PPP3R1: variants seen among roughly 807,000 people sequenced by gnomAD.
The protein encoded by PPP3R1 is calcineurin subunit B type 1.
PPP3R1 carries 5 observed loss-of-function variants against 22.6 expected under a neutral mutation model. The ratio of observed to expected loss-of-function variants is 0.22; its 90% CI spans 0.12 to 0.46. The LOEUF is 0.46. Among genes scored for constraint, PPP3R1 ranks in the 20% least tolerant of loss-of-function variants. The pLI is 0.99. For synonymous variants in PPP3R1, 56 were observed against 65.2 expected (o/e 0.86, Z 0.68); for missense variants, 61 against 203.2 (o/e 0.30, Z 4.25).
At chr2:68,236,838 G>A (rs922124802) in intron 1 of PPP3R1, among the ~76,000 whole-genome samples, 4 of 152,074 alleles carry the variant, frequency 2.6e-5, no homozygotes, top group Non-Finnish European at 4.4e-5. Context: ...GAGATACAAT[G>A]AGACCTAAGG....
At chr2:68,241,562 A>C (rs1012551003) in intron 1 of PPP3R1, among the ~76,000 whole-genome samples, 2 of 152,188 alleles carry the variant, frequency 1.3e-5, no homozygotes, top group Non-Finnish European at 2.9e-5. Flanking sequence ...GATTACTGAC[A>C]ATGTGGCCGG....
At chr2:68,189,197 T>G (rs1674610414) in intron 2 of PPP3R1, among the ~76,000 whole-genome samples, 1 of 152,202 alleles carries the variant, frequency 6.6e-6, no homozygotes, top group Non-Finnish European at 1.5e-5. Context: ...AAATTCAAAG[T>G]TTCCCTCCCT....
chr2:68,190,392 T>C (rs572051702), intron 2 of PPP3R1, among the ~76,000 whole-genome samples: 56 of 149,562 alleles, frequency 3.7e-4, no homozygotes, highest in Admixed American at 6.0e-4. Flanking sequence ...TGGTGAAACC[T>C]CGTCTCCACT....
rs71906115 is a variant in PPP3R1 at position 68,202,406 on chromosome 2, TTTGTTGTTG to T, written c.44-13725_44-13717del. Among the ~76,000 whole-genome samples the T allele has an allele frequency of 7.9e-3, 1,155 of 146,230 alleles. 15 individuals are homozygous for T. The highest frequency in any genetic ancestry group is 0.028 in the African/African-American group (1,103 of 39,620). On this transcript the variant is annotated intron_variant, in intron 2 of 5. Transcript: ENST00000234310. ...AGTCCTTCCTTTTCTTTTTTCGTTT[TTTGTTGTTG>T]TTGTTGTTGTTGTTGTTGTTGTTTT...
chr2:68,208,465 G>A (rs1669382267), intron 2 of PPP3R1, among the ~76,000 whole-genome samples: 1 of 152,120 alleles, frequency 6.6e-6, no homozygotes, highest in African/African-American at 2.4e-5. Flanking sequence ...TGTTCCAATG[G>A]CTATGTTTTA....
chr2:68,198,061 GCAAAAAAAA>G (rs1558630698), intron 2 of PPP3R1, among the ~76,000 whole-genome samples: 1 of 9,956 alleles, frequency 1.0e-4, no homozygotes, highest in African/African-American at 3.8e-4. Context: ...GGCACCTTTG[GCAAAAAAAA>G]AAAAAAAAAA....
At chr2:68,232,304 G>T (rs1669933295) in intron 1 of PPP3R1, among the ~76,000 whole-genome samples, 1 of 145,126 alleles carries the variant, frequency 6.9e-6, no homozygotes, top group African/African-American at 2.5e-5. Flanking sequence ...AGCCAGGCGT[G>T]ATGGCAAGCA....
At chr2:68,240,127 CG>C (rs1670091872) in intron 1 of PPP3R1, among the ~76,000 whole-genome samples, 1 of 152,212 alleles carries the variant, frequency 6.6e-6, no homozygotes, top group Non-Finnish European at 1.5e-5. Flanking sequence ...GTAACCCCAA[CG>C]TAAGTCAAGG....
At chr2:68,227,096 C>A (rs926733138) in intron 1 of PPP3R1, among the ~76,000 whole-genome samples, 2 of 151,932 alleles carry the variant, frequency 1.3e-5, no homozygotes, top group African/African-American at 4.8e-5. Context: ...CAAAGCTTTA[C>A]AGAATGCATC....
chr2:68,188,161 C>T (rs1674585679), intron 3 of PPP3R1, among the ~76,000 whole-genome samples: 1 of 152,058 alleles, frequency 6.6e-6, no homozygotes, highest in Non-Finnish European at 1.5e-5. Context: ...AAGAGCGAGA[C>T]TCCATCTCAA....
At chr2:68,246,761 T>A (rs1052739754) in intron 1 of PPP3R1, among the ~76,000 whole-genome samples, 1 of 152,184 alleles carries the variant, frequency 6.6e-6, no homozygotes, top group Non-Finnish European at 1.5e-5. Context: ...GAGTTCACTC[T>A]CTTCACGTCT....
chr2:68,228,569 T>C (rs1669829508), intron 1 of PPP3R1, among the ~76,000 whole-genome samples: 1 of 152,192 alleles, frequency 6.6e-6, no homozygotes, highest in African/African-American at 2.4e-5. Flanking sequence ...GTCTTATTAC[T>C]TGTCAGTCTT....
At chr2:68,212,351 G>A (rs937779495) in intron 2 of PPP3R1, among the ~76,000 whole-genome samples, 1 of 152,230 alleles carries the variant, frequency 6.6e-6, no homozygotes, top group African/African-American at 2.4e-5. Context: ...AAAGTGCTAG[G>A]ATTCCAGGTG....
chr2:68,186,106 G>A (rs981916828), intron 5 of PPP3R1, among the ~76,000 whole-genome samples: 1 of 152,142 alleles, frequency 6.6e-6, no homozygotes, highest in Non-Finnish European at 1.5e-5. Flanking sequence ...TCTCTAGCTT[G>A]CAGTTTAAAA....
chr2:68,234,280 T>A lies in PPP3R1; in HGVS notation c.4-17149A>T, dbSNP rs1669974933. On this transcript the variant is annotated intron_variant, in intron 1 of 5. Transcript: ENST00000234310. ...ATGGCGTGAACCTGGGAGGCGGAAC[T>A]TGCAGTGAGCCGAGATTGTGCCACT... Among the ~76,000 whole-genome samples the A allele has an allele frequency of 2.0e-5, 3 of 151,966 alleles. No homozygotes were observed. In the South Asian group the frequency reaches 6.2e-4, roughly 32 times the overall value.
At chr2:68,225,992 T>C (rs1304509215) in intron 1 of PPP3R1, among the ~76,000 whole-genome samples, 4 of 152,220 alleles carry the variant, frequency 2.6e-5, no homozygotes, top group Admixed American at 6.5e-5. Flanking sequence ...TGGAGTACTA[T>C]TCGGTAATGA....
intron 1 of PPP3R1, among the ~76,000 whole-genome samples, chr2:68,222,165 T>C (rs1033895823): frequency 1.3e-5 from 2 of 152,200 alleles, no homozygotes; most frequent in African/African-American, 4.8e-5. Context: ...AGTGAACATA[T>C]GACAACAGCA....
chr2:68,187,583 ATTT>A (rs1218086477), intron 3 of PPP3R1, among the ~76,000 whole-genome samples: 1 of 152,174 alleles, frequency 6.6e-6, no homozygotes, highest in African/African-American at 2.4e-5. Context: ...AAAACATATT[ATTT>A]AAGTTGTTTA....
chr2:68,252,223 G>A lies in PPP3R1; in HGVS notation c.-96C>T, dbSNP rs1040164919. On this transcript the variant is annotated 5_prime_UTR_variant, in exon 1 of 6. Coordinates refer to ENST00000234310, the MANE Select transcript of PPP3R1 (RefSeq NM_000945.4). ...GAAACGGCGGCGGCGGCCCAGCTGC[G>A]GCCCTCGGGTCGCCGGCGGGGAGGG... The A allele has an allele frequency of 1.4e-5, 16 of 1,166,420 alleles. No individual in the cohort carries two copies. The South Asian group carries it at 4.4e-4, about 32-fold the overall frequency. 72.3% of individuals were successfully genotyped at this position (1,166,420 alleles called of 1,614,324 possible). A position where few individuals can be genotyped will look rare whatever the true frequency, so the allele number is the denominator to read the frequency against.
Sources: gnomAD v4.1 joint callset for allele counts (sites outside exome capture counted in the v4.1 genomes callset) on GRCh38, gnomAD v4.1.1 for gene constraint, MANE v1.5 for transcripts, NCBI Gene and HGNC (gene_info 2026-07-23, HGNC 2026-07-21) for gene names.